Variants in KDM1A observed in about 807,000 individuals in gnomAD.
The protein encoded by KDM1A is lysine-specific histone demethylase 1A.
In KDM1A, 49 loss-of-function variants were observed where a neutral mutation model predicts 109.4. The observed-to-expected ratio is 0.45, with a 90% CI of 0.36 to 0.57. The LOEUF is 0.57. Ranked by LOEUF, KDM1A falls within the 20% of genes least tolerant of loss-of-function variation. The probability of loss-of-function intolerance (pLI) is 0.00; values close to 1 mark genes in which losing one functional copy is unlikely to be tolerated. For synonymous variants in KDM1A, 380 were observed against 415.4 expected, an observed-to-expected ratio of 0.91 and a Z score of 1.04; for missense variants, 668 against 1,116.6, an observed-to-expected ratio of 0.60 and a Z score of 5.73.
At chr1:23,037,711 T>G (rs1333678557) in intron 2 of KDM1A, among the ~76,000 whole-genome samples, 1 of 152,244 alleles carries the variant, frequency 6.6e-6, no homozygotes, top group East Asian at 1.9e-4. Context: ...CATGAAAGGA[T>G]GAAGCAGTTT....
At chr1:23,057,136 A>G (rs1308839040) in intron 7 of KDM1A, among the ~76,000 whole-genome samples, 1 of 152,208 alleles carries the variant, frequency 6.6e-6, no homozygotes, top group Non-Finnish European at 1.5e-5. Context: ...TATTTTCTAT[A>G]TGGGTGGCCC....
intron 1 of KDM1A, among the ~76,000 whole-genome samples, chr1:23,024,625 A>G (rs1641739808): frequency 6.6e-6 from 1 of 152,260 alleles, no homozygotes; most frequent in African/African-American, 2.4e-5. Flanking sequence ...ATTATGGCAA[A>G]ATATTTAAGG....
intron 2 of KDM1A, among the ~76,000 whole-genome samples, chr1:23,035,702 G>C (rs1642123385): frequency 6.6e-6 from 1 of 152,132 alleles, no homozygotes; most frequent in South Asian, 2.1e-4. Context: ...CAATGTATGA[G>C]TAGAAGAATT....
At chr1:23,063,655 G>T (rs888448718) in intron 9 of KDM1A, among the ~76,000 whole-genome samples, 1 of 151,964 alleles carries the variant, frequency 6.6e-6, no homozygotes, top group Non-Finnish European at 1.5e-5. Flanking sequence ...AATAGTTTTT[G>T]CCCCCTTAAT....
chr1:23,057,555 A>T lies in KDM1A; in HGVS notation c.1062A>T (p.Val354=), dbSNP rs372263216. The stretch of plus-strand genomic sequence containing the variant: ...TAGCTGATCTTGGAGCCATGGTGGT[A>T]ACAGGTCTTGGTAAGTAGCTATTGG... ...NYVADLGAMV[V]TGLGGNPMAV... Residue 354 remains valine (V), a synonymous_variant, in exon 8 of 21, where the codon GTA becomes GTT. Coordinates refer to ENST00000400181, the MANE Select transcript of KDM1A (RefSeq NM_001009999.3). 2.0e-5 allele frequency: 32 copies of T among 1,613,270 alleles called. No homozygotes were observed. Among genetic ancestry groups the T allele is most frequent in the Non-Finnish European group, 2.6e-5 (31 of 1,179,430 alleles).
In KDM1A at chr1:23,079,986, C is replaced by T. The variant is rs1477714048; in HGVS notation, c.2170+319C>T. ...GAGGCTTCCTACCAGGGGAAGCTTG[C>T]GTTCTCATTCTCAGACTGACTTGCC... On this transcript the variant is annotated intron_variant, in intron 18 of 20. Transcript: ENST00000400181. The surrounding 1 kb of genome is among the most constrained non-coding windows in gnomAD (Gnocchi z 5.6). Among the ~76,000 whole-genome samples the T allele has an allele frequency of 6.6e-6, 1 of 152,106 alleles. No homozygotes were observed.
chr1:23,054,535 G>C (rs78415141), intron 5 of KDM1A, among the ~76,000 whole-genome samples: 6,072 of 152,288 alleles, frequency 0.04, 414 homozygotes, highest in African/African-American at 0.14. Context: ...GCCCAGGCTG[G>C]AGTGCAGTGG....
At chr1:23,080,217 G>A (rs1356347402) in intron 18 of KDM1A, among the ~76,000 whole-genome samples, 1 of 152,098 alleles carries the variant, frequency 6.6e-6, no homozygotes, top group Non-Finnish European at 1.5e-5. Flanking sequence ...CCCATCCCCA[G>A]TTCTTTCCAT....
rs561679633 is a variant in KDM1A at position 23,050,397 on chromosome 1, C to T, written c.588C>T (p.Gly196=). The change falls in exon 4 of 21, where the codon GGC becomes GGT. Residue 196 remains glycine (G), a synonymous_variant. Transcript: ENST00000400181. The part of the protein sequence containing the change: ...YGDGQASGVE[G]AAFQSRLPHD... ...TGCTTTCTTCGTTAGGTGTGGAGGG[C>T]GCAGCTTTCCAGAGCCGACTTCCTC... The T allele has an allele frequency of 3.0e-5, 48 of 1,609,906 alleles. No homozygotes were observed. In the Admixed American group the frequency reaches 4.6e-4, roughly 15 times the overall value.
rs749388821 is a variant in KDM1A, at chr1:23,072,215, A to G, written c.1622+18A>G. 4.4e-6 allele frequency: 7 copies of G among 1,577,660 alleles called. No homozygotes were observed. The Admixed American group carries it at 8.4e-5, about 19-fold the overall frequency. On this transcript the variant is annotated intron_variant, in intron 14 of 20. Coordinates refer to ENST00000400181, the MANE Select transcript of KDM1A (RefSeq NM_001009999.3). Reference sequence around the variant, plus strand: ...CCCCCAAGGTAAGGAAAACAAACACAAAAGTTCAGAGGGAGAGCTTTTACT... The same window carrying G: ...CCCCCAAGGTAAGGAAAACAAACACGAAAGTTCAGAGGGAGAGCTTTTACT...
At chr1:23,030,401 T>C (rs971208893) in intron 1 of KDM1A, 68 bp from the exon 2 acceptor site, 3 of 1,209,788 alleles carry the variant, frequency 2.5e-6, no homozygotes, top group Middle Eastern at 2.2e-4. Context: ...TGACTGATGG[T>C]TCCAAATAGA....
At chr1:23,047,883 G>A (rs1642546236) in intron 3 of KDM1A, among the ~76,000 whole-genome samples, 2 of 151,430 alleles carry the variant, frequency 1.3e-5, no homozygotes, top group South Asian at 2.1e-4. Flanking sequence ...GACAACAGAG[G>A]GAGACCCTGT....
intron 4 of KDM1A, among the ~76,000 whole-genome samples, chr1:23,053,471 G>A (rs1255428808): frequency 2.0e-5 from 3 of 151,916 alleles, no homozygotes; most frequent in Admixed American, 6.6e-5. Context: ...CTGCAGCCTC[G>A]ACGTCCCGGG....
At chr1:23,057,765 C>A (rs1642875846) in intron 8 of KDM1A, 200 bp downstream of exon 8, 17 of 269,552 alleles carry the variant, frequency 6.3e-5, no homozygotes, top group East Asian at 3.1e-4. Context: ...AGGAAATTAT[C>A]ATATGAAGAT....
intron 10 of KDM1A, among the ~76,000 whole-genome samples, chr1:23,066,710 T>C (rs1643169750): frequency 1.3e-5 from 2 of 152,188 alleles, no homozygotes. Flanking sequence ...TCAGGCGCAT[T>C]GCATCTGTGA....
chr1:23,072,891 C>A (rs1234658176), intron 14 of KDM1A, among the ~76,000 whole-genome samples: 1 of 152,162 alleles, frequency 6.6e-6, no homozygotes, highest in African/African-American at 2.4e-5. Context: ...CCACCTGCCT[C>A]GACCTCCCAA....
chr1:23,073,965 A>AT (rs1313416493), intron 15 of KDM1A, among the ~76,000 whole-genome samples: 6 of 152,200 alleles, frequency 3.9e-5, no homozygotes, highest in African/African-American at 1.4e-4. Flanking sequence ...AAGAATGTTC[A>AT]TGTCTTTCTC....
chr1:23,063,205 G>GGGT (rs1553130174), intron 9 of KDM1A, among the ~76,000 whole-genome samples: 2 of 71,372 alleles, frequency 2.8e-5, no homozygotes, highest in Non-Finnish European at 6.3e-5. Flanking sequence ...TTGGGGGGGG[G>GGGT]GTGTGGTGTG....
intron 8 of KDM1A, among the ~76,000 whole-genome samples, chr1:23,058,711 T>TA (rs1337728341): frequency 6.6e-6 from 1 of 152,128 alleles, no homozygotes; most frequent in Non-Finnish European, 1.5e-5. Flanking sequence ...CGATGAGAAA[T>TA]ATACAGCCAC....
Sources: allele counts gnomAD v4.1 joint callset (sites outside exome capture counted in the v4.1 genomes callset), GRCh38; gene constraint gnomAD v4.1.1; non-coding constraint Gnocchi (gnomAD v3.1); transcripts MANE v1.5; gene names NCBI Gene and HGNC (gene_info 2026-07-23, HGNC 2026-07-21).